The following DPP10 variants were observed in gnomAD, a reference collection of about 807,000 sequenced individuals.
DPP10 encodes dipeptidyl peptidase like 10, also known as inactive dipeptidyl peptidase 10.
Under a neutral mutation model 120.9 loss-of-function variants are expected in DPP10, and 33 were observed. The observed-to-expected ratio is 0.27, with a 90% CI of 0.21 to 0.37. DPP10 has a LOEUF of 0.37. DPP10 is among the 10% of genes least tolerant of loss of function. DPP10 has a pLI of 1.00. For missense variants in DPP10, 816 were observed against 942.8 expected (o/e 0.87, Z 1.76); for synonymous variants, 337 against 326.1 (o/e 1.03, Z -0.36).
At chr2:114,563,099 C>T (rs919010371) in intron 1 of DPP10, among the ~76,000 whole-genome samples, 6 of 152,154 alleles carry the variant, frequency 3.9e-5, no homozygotes, top group African/African-American at 9.7e-5. Context: ...ACTGGCTGGG[C>T]GCAGTGGCTC....
intron 1 of DPP10, among the ~76,000 whole-genome samples, chr2:114,975,502 G>C (rs151314865): frequency 6.6e-6 from 1 of 152,260 alleles, no homozygotes; most frequent in Non-Finnish European, 1.5e-5. Flanking sequence ...TGCACTCAAA[G>C]AAGAAACATT....
intron 1 of DPP10, among the ~76,000 whole-genome samples, chr2:114,546,350 G>A (rs563179119): frequency 1.3e-5 from 2 of 152,096 alleles, no homozygotes; most frequent in Non-Finnish European, 2.9e-5. Flanking sequence ...TAAATGACCA[G>A]ATCTCATGAG....
rs766575437 is a variant in DPP10 at position 115,689,937 on chromosome 2, G to T, written c.576+16G>T. The T allele has an allele frequency of 6.2e-7, 1 of 1,612,540 alleles. No individual in the cohort carries two copies. The highest frequency in any genetic ancestry group is 1.1e-5 in the South Asian group (1 of 90,914). On this transcript the variant is annotated intron_variant, in intron 7 of 25. Coordinates refer to ENST00000410059, the MANE Select transcript of DPP10 (RefSeq NM_020868.6). The stretch of plus-strand genomic sequence containing the variant: ...GCAGCAGCTGGTAAGCGCAGGCATT[G>T]GTATGCACTGAACACTGCCAATCAT...
intron 1 of DPP10, among the ~76,000 whole-genome samples, chr2:114,916,014 A>G (rs184999955): frequency 4.4e-3 from 663 of 152,150 alleles, no homozygotes; most frequent in African/African-American, 0.015. Flanking sequence ...AAACTTACAC[A>G]TGAATCCATA....
rs77810359 is a variant in DPP10 at position 115,733,122 on chromosome 2, C to T, written c.697+5186C>T. On this transcript the variant is annotated intron_variant, in intron 8 of 25. Transcript: ENST00000410059. ...CAAGAATGACAAGAATGAAAAGGTG[C>T]GGAAAAATTCACGAGATAAGCAATA... is the stretch of plus-strand genomic sequence containing the variant. 1.4e-3 allele frequency among the ~76,000 whole-genome samples: 213 copies of T among 152,084 alleles called. 7 individuals carry two copies. The East Asian group carries it at 0.037, about 27-fold the overall frequency.
At chr2:115,094,670 G>T (rs1460853791) in intron 1 of DPP10, among the ~76,000 whole-genome samples, 1 of 152,116 alleles carries the variant, frequency 6.6e-6, no homozygotes, top group African/African-American at 2.4e-5. Flanking sequence ...TTCATTAACT[G>T]AATTTAAATG....
chr2:115,506,930 C>T (rs1205932090), intron 4 of DPP10, among the ~76,000 whole-genome samples: 1 of 151,940 alleles, frequency 6.6e-6, no homozygotes, highest in African/African-American at 2.4e-5. Context: ...ATGACTATAA[C>T]CTGTGTCATC....
intron 1 of DPP10, among the ~76,000 whole-genome samples, chr2:115,113,048 G>A (rs536972327): frequency 1.3e-5 from 2 of 151,964 alleles, no homozygotes; most frequent in Non-Finnish European, 2.9e-5. Flanking sequence ...CAGATACATA[G>A]GTCTGGTTCC....
At chr2:114,653,916 C>G (rs114985346) in intron 1 of DPP10, among the ~76,000 whole-genome samples, 167 of 152,240 alleles carry the variant, frequency 1.1e-3, no homozygotes, top group African/African-American at 3.9e-3. Flanking sequence ...TTTCTTCTCG[C>G]TTTTCTAGAT....
Position 115,237,408 on chromosome 2 carries a change from ATCTC to A in DPP10, c.61-71830_61-71827del, listed in dbSNP as rs982173698. Among the ~76,000 whole-genome samples, 9 of 152,070 alleles carry A rather than the reference ATCTC, an allele frequency of 5.9e-5. No homozygotes were observed. The East Asian group carries it at 1.4e-3, about 23-fold the overall frequency. On this transcript the variant is annotated intron_variant, in intron 1 of 25. Transcript: ENST00000410059. ...CCACCGACTAGCTGTTGCCCCATCT[ATCTC>A]CTTTTCCGCAGGCCTCCATACTCCC...
chr2:115,445,597 G>A (rs1307949555), intron 3 of DPP10, among the ~76,000 whole-genome samples: 1 of 152,144 alleles, frequency 6.6e-6, no homozygotes, highest in Non-Finnish European at 1.5e-5. Context: ...CTAGAGATCT[G>A]TAGAACTTTG....
intron 1 of DPP10, among the ~76,000 whole-genome samples, chr2:114,771,185 A>G (rs1681214687): frequency 6.6e-6 from 1 of 152,192 alleles, no homozygotes; most frequent in African/African-American, 2.4e-5. Context: ...TATGCATTTT[A>G]TGTGTTAACT....
intron 1 of DPP10, among the ~76,000 whole-genome samples, chr2:114,491,698 G>A (rs925146597): frequency 1.3e-5 from 2 of 152,180 alleles, no homozygotes; most frequent in Admixed American, 6.6e-5. Flanking sequence ...ACTCACTGAA[G>A]CATAAAAATA....
intron 3 of DPP10, among the ~76,000 whole-genome samples, chr2:115,492,410 C>T (rs1268598931): frequency 6.6e-6 from 1 of 152,032 alleles, no homozygotes; most frequent in South Asian, 2.1e-4. Flanking sequence ...TAGAGTTGGG[C>T]ATACTTTGTG....
At chr2:115,606,868 A>G (rs762754560) in intron 5 of DPP10, among the ~76,000 whole-genome samples, 1 of 152,106 alleles carries the variant, frequency 6.6e-6, no homozygotes, top group African/African-American at 2.4e-5. Flanking sequence ...GATATGGGAG[A>G]TAAAAAGTGG....
intron 1 of DPP10, among the ~76,000 whole-genome samples, chr2:114,668,588 A>G (rs1698106910): frequency 6.6e-6 from 1 of 152,180 alleles, no homozygotes; most frequent in African/African-American, 2.4e-5. Flanking sequence ...ACACACTATG[A>G]ATGAAAAACC....
intron 1 of DPP10, among the ~76,000 whole-genome samples, chr2:114,631,732 A>G (rs1159445302): frequency 6.6e-6 from 1 of 152,188 alleles, no homozygotes; most frequent in Non-Finnish European, 1.5e-5. Context: ...AATAGGGACA[A>G]TTGCTTTCAG....
At chr2:115,503,095 T>C (rs940651320) in intron 4 of DPP10, among the ~76,000 whole-genome samples, 2 of 152,120 alleles carry the variant, frequency 1.3e-5, no homozygotes, top group African/African-American at 4.8e-5. Context: ...TAAGCCTATT[T>C]AAATACATTC....
chr2:115,485,849 G>A (rs183485341), intron 3 of DPP10, among the ~76,000 whole-genome samples: 1 of 152,008 alleles, frequency 6.6e-6, no homozygotes, highest in African/African-American at 2.4e-5. Context: ...CTTTTTCTTT[G>A]TATATTTCAG....
Sources: allele counts gnomAD v4.1 joint callset (sites outside exome capture counted in the v4.1 genomes callset), GRCh38; gene constraint gnomAD v4.1.1; transcripts MANE v1.5; gene names NCBI Gene and HGNC (gene_info 2026-07-23, HGNC 2026-07-21).